Variants in ODC1 observed in about 807,000 individuals in gnomAD.
The protein encoded by ODC1 is ornithine decarboxylase 1, also known as ornithine decarboxylase.
ODC1 carries 18 observed loss-of-function variants against 41.5 expected under a neutral mutation model. The observed-to-expected ratio is 0.43, with a 90% CI of 0.30 to 0.64. The LOEUF (loss-of-function observed/expected upper bound fraction) is 0.64, where lower values mean the gene tolerates loss of function less well. Among genes scored for constraint, ODC1 ranks in the 30% least tolerant of loss-of-function variants. ODC1 has a pLI of 0.11. For missense variants in ODC1, 504 were observed against 589.0 expected (o/e 0.86, Z 1.49); for synonymous variants, 218 against 211.6 (o/e 1.03, Z -0.26).
At chr2:10,447,317 T>A (rs1489397062) in intron 1 of ODC1, among the ~76,000 whole-genome samples, 1 of 152,206 alleles carries the variant, frequency 6.6e-6, no homozygotes, top group African/African-American at 2.4e-5. Flanking sequence ...TTGAAAAAAA[T>A]TTCACAAATC....
Position 10,441,651 on chromosome 2 carries a change from C to G in ODC1, c.1099G>C (p.Val367Leu). Residue 367 changes from valine to leucine, a missense_variant, in exon 11 of 12, where the codon GTT becomes CTT. By Grantham distance (32) the Val-to-Leu change is conservative. This residue lies in a region of ODC1 where 447 missense variants were observed against 524.4 expected (regional missense o/e 0.85). Coordinates refer to ENST00000234111, the MANE Select transcript of ODC1 (RefSeq NM_002539.3). Reference sequence around the variant, plus strand: ...ATTTCAGGCAGGTCACAGCGCTCAACAATCCGATCGAGGCCATCACATGTT... The same window carrying G: ...ATTTCAGGCAGGTCACAGCGCTCAAGAATCCGATCGAGGCCATCACATGTT... ...GPTCDGLDRI[V>L]ERCDLPEMHV... 6.8e-6 allele frequency: 11 copies of G among 1,614,218 alleles called. No homozygotes were observed. Among genetic ancestry groups the G allele is most frequent in the Non-Finnish European group, 9.3e-6 (11 of 1,180,052 alleles).
chr2:10,443,156 C>T, intron 8 of ODC1, 74 bp downstream of exon 8: 1 of 1,216,906 alleles, frequency 8.2e-7, no homozygotes, highest in East Asian at 2.3e-5. Flanking sequence ...AGTTAAGACA[C>T]TTAAATTTTG....
chr2:10,444,763 A>G (rs1413562688), intron 3 of ODC1, 116 bp from the exon 4 acceptor site: 1 of 932,468 alleles, frequency 1.1e-6, no homozygotes, highest in African/African-American at 1.6e-5. Context: ...GAGTCTAGCC[A>G]CTGATATGAG....
chr2:10,443,867 C>T, intron 5 of ODC1, 31 bp from the exon 6 acceptor site: 1 of 1,610,392 alleles, frequency 6.2e-7, no homozygotes, highest in South Asian at 1.1e-5. Flanking sequence ...GCAAATGTCT[C>T]ATGATAGATG....
At chr2:10,447,996 G>A (rs1230301615) in intron 1 of ODC1, 125 bp downstream of exon 1, 3 of 152,930 alleles carry the variant, frequency 2.0e-5, no homozygotes, top group African/African-American at 7.2e-5. Flanking sequence ...TGGCCCGCTC[G>A]GCGACCACGT....
Position 10,442,146 on chromosome 2 carries a change from T to C in ODC1, c.779A>G (p.Asp260Gly). ...TCCAGAGTCTGACGGAAAGTATTTGTCCAACGCTGGGTTGATTACGCCGGT... is the reference window on the plus strand; with the variant it reads ...TCCAGAGTCTGACGGAAAGTATTTGCCCAACGCTGGGTTGATTACGCCGGT... The part of the protein sequence containing the change: ...EITGVINPAL[D>G]KYFPSDSGVR... The change falls in exon 9 of 12, where the codon GAC becomes GGC. Residue 260 changes from aspartate to glycine, a missense_variant. Physicochemically the swap from Asp to Gly is moderately conservative, Grantham distance 94. Around this residue, in one of 3 missense-constraint regions of ODC1, gnomAD observed 447 missense variants for 524.4 expected, o/e 0.85. Coordinates refer to ENST00000234111, the MANE Select transcript of ODC1 (RefSeq NM_002539.3). 1 of 1,612,644 alleles carries C rather than the reference T, an allele frequency of 6.2e-7. No homozygotes were observed. Among genetic ancestry groups the C allele is most frequent in the Non-Finnish European group, 8.5e-7 (1 of 1,179,582 alleles).
chr2:10,447,781 G>C (rs1403073690), intron 1 of ODC1: 1 of 152,310 alleles, frequency 6.6e-6, no homozygotes, highest in Admixed American at 6.5e-5. Context: ...GGCCGCCAGG[G>C]CCTCCCCAAC....
At chr2:10,444,781 A>G in intron 3 of ODC1, 134 bp from the exon 4 acceptor site, 2 of 824,784 alleles carry the variant, frequency 2.4e-6, no homozygotes, top group Non-Finnish European at 3.9e-6. Context: ...GAGTATCACC[A>G]TTATCACTAT....
rs766025517 is a variant in ODC1, at chr2:10,441,671, CAT to C, written c.1077_1078del (p.Cys360Ter). The C allele has an allele frequency of 1.9e-6, 3 of 1,614,230 alleles. No homozygotes were observed. The highest frequency in any genetic ancestry group is 1.7e-6 in the Non-Finnish European group (2 of 1,180,044). On this transcript the variant is annotated frameshift_variant, in exon 11 of 12. Coordinates refer to ENST00000234111, the MANE Select transcript of ODC1 (RefSeq NM_002539.3). LOFTEE classifies it high-confidence loss of function. ...CTCAACAATCCGATCGAGGCCATCA[CAT>C]GTTGGTCCCCATATGCTGGATGAAT...
rs979886060 is a variant in ODC1 at position 10,440,476 on chromosome 2, A to G, written c.*248T>C. ...TTGTACAAGCTACAAATGCTTGTTC[A>G]GCAGCTGAGGGGCACTCTTGAGTAG... On this transcript the variant is annotated 3_prime_UTR_variant, in exon 12 of 12. Transcript: ENST00000234111. 94 of 368,854 alleles carry G rather than the reference A, an allele frequency of 2.5e-4. No homozygotes were observed. The highest frequency in any genetic ancestry group is 3.1e-4 in the Admixed American group (7 of 22,924). The allele number at this position is 368,854 out of a possible 1,614,324, so 22.8% of individuals were successfully genotyped here. A position where few individuals can be genotyped will look rare whatever the true frequency, so the allele number is the denominator to read the frequency against.
In ODC1 at chr2:10,442,155, G is replaced by A; in HGVS notation, c.770C>T (p.Pro257Leu). The A allele has an allele frequency of 6.2e-7, 1 of 1,607,210 alleles. No homozygotes were observed. Among genetic ancestry groups the A allele is most frequent in the Non-Finnish European group, 8.5e-7 (1 of 1,177,770 alleles). ...KFEEITGVIN[P>L]ALDKYFPSDS... ...TGACGGAAAGTATTTGTCCAACGCT[G>A]GGTTGATTACGCCGGTGATCTAAGA... The change falls in exon 9 of 12, where the codon CCA becomes CTA. Residue 257 changes from proline to leucine, a missense_variant. This residue lies in a region of ODC1 where 447 missense variants were observed against 524.4 expected (regional missense o/e 0.85). Transcript: ENST00000234111.
At chr2:10,447,339 G>A (rs1672058058) in intron 1 of ODC1, 1 of 152,162 alleles carries the variant, frequency 6.6e-6, no homozygotes, top group African/African-American at 2.4e-5. Context: ...ATTAAAGTCT[G>A]CCCAATTTTA....
Position 10,443,235 on chromosome 2 carries a change from C to G in ODC1, c.745G>C (p.Glu249Gln). The change falls in exon 8 of 12, where the codon GAA becomes CAA. Residue 249 changes from glutamate to glutamine, a missense_variant. Coordinates refer to ENST00000234111, the MANE Select transcript of ODC1 (RefSeq NM_002539.3). ...PGSEDVKLKFEEITGVINPAL... is the reference protein window; with the variant it reads ...PGSEDVKLKFQEITGVINPAL... ...ACAGTTTTGTTCTAAATTACCTCTT[C>G]AAATTTAAGTTTCACATCCTCAGAT... The G allele has an allele frequency of 6.2e-7, 1 of 1,608,826 alleles. No homozygotes were observed. The highest frequency in any genetic ancestry group is 8.5e-7 in the Non-Finnish European group (1 of 1,178,368).
rs374970523 is a variant in ODC1 at position 10,443,350 on chromosome 2, T to C, written c.667-37A>G. 347 of 1,593,868 alleles carry C rather than the reference T, an allele frequency of 2.2e-4. 1 individual carries two copies. Among genetic ancestry groups the C allele is most frequent in the Non-Finnish European group, 2.9e-4 (333 of 1,166,536 alleles). ...AAAATAAGTCAGCCAGATCCACAGCTAATAACAAAAATGTATGCAGCAGAT... is the reference window on the plus strand; with the variant it reads ...AAAATAAGTCAGCCAGATCCACAGCCAATAACAAAAATGTATGCAGCAGAT... On this transcript the variant is annotated intron_variant, in intron 7 of 11. Coordinates refer to ENST00000234111, the MANE Select transcript of ODC1 (RefSeq NM_002539.3).
intron 1 of ODC1, among the ~76,000 whole-genome samples, chr2:10,446,276 G>A (rs372685666): frequency 1.3e-5 from 2 of 152,018 alleles, no homozygotes; most frequent in African/African-American, 2.4e-5. Context: ...TGGGATTACC[G>A]GCATGTGCCA....
At chr2:10,444,830 C>A in intron 3 of ODC1, 101 bp downstream of exon 3, 1 of 916,670 alleles carries the variant, frequency 1.1e-6, no homozygotes, top group South Asian at 1.5e-5. Context: ...CATTCCATAA[C>A]AAGACATGTA....
chr2:10,447,382 T>C (rs34885558), intron 1 of ODC1: 2 of 152,248 alleles, frequency 1.3e-5, no homozygotes, highest in Non-Finnish European at 2.9e-5. Flanking sequence ...ACATTCTTTG[T>C]CCTCCCCAGA....
In ODC1 at chr2:10,443,524, G is replaced by C. The variant is rs1558550203; in HGVS notation, c.632C>G (p.Ala211Gly). 1.2e-6 allele frequency: 2 copies of C among 1,613,946 alleles called. No individual in the cohort carries two copies. The highest frequency in any genetic ancestry group is 2.7e-5 in the African/African-American group (2 of 74,928). ...AAAAACACAGCGGGCATCAGAGATTGCCTGCACGAAGGTCTCAGGATCGGT... is the reference window on the plus strand; with the variant it reads ...AAAAACACAGCGGGCATCAGAGATTCCCTGCACGAAGGTCTCAGGATCGGT... ...GCTDPETFVQAISDARCVFDM... is the reference protein window; with the variant it reads ...GCTDPETFVQGISDARCVFDM... The change falls in exon 7 of 12, where the codon GCA becomes GGA. Residue 211 changes from alanine (A) to glycine (G), a missense_variant. Ala to Gly is a moderately conservative substitution (Grantham distance 60). Around this residue, in one of 3 missense-constraint regions of ODC1, gnomAD observed 447 missense variants for 524.4 expected, o/e 0.85. Coordinates refer to ENST00000234111, the MANE Select transcript of ODC1 (RefSeq NM_002539.3).
In ODC1 at chr2:10,444,461, T is replaced by G. The variant is rs1245793573; in HGVS notation, c.276+13A>C. The G allele has an allele frequency of 6.3e-7, 1 of 1,597,902 alleles. No individual in the cohort carries two copies. Among genetic ancestry groups the G allele is most frequent in the Non-Finnish European group, 8.5e-7 (1 of 1,172,884 alleles). On this transcript the variant is annotated intron_variant, in intron 4 of 11. Transcript: ENST00000234111. ...TTTATACAACGCTTTTGAGGCCTGC[T>G]GCTATCGCTTACCTTGCTAGCACAG...
Sources: allele counts gnomAD v4.1 joint callset (sites outside exome capture counted in the v4.1 genomes callset), GRCh38; gene constraint gnomAD v4.1.1; regional missense constraint gnomAD v4.1.1; transcripts MANE v1.5; gene names NCBI Gene and HGNC (gene_info 2026-07-23, HGNC 2026-07-21).